BRINP1: variants seen among roughly 807,000 people sequenced by gnomAD.
The protein encoded by BRINP1 is BMP/retinoic acid inducible neural specific 1.
In BRINP1, 17 loss-of-function variants were observed where a neutral mutation model predicts 72.9. The ratio of observed to expected loss-of-function variants is 0.23; its 90% CI spans 0.16 to 0.35. BRINP1 has a LOEUF of 0.35. Among genes scored for constraint, BRINP1 ranks in the 10% least tolerant of loss-of-function variants. The pLI is 1.00. For missense variants in BRINP1, 850 were observed against 1,001.6 expected, an observed-to-expected ratio of 0.85 and a Z score of 2.04; for synonymous variants, 418 against 378.5, an observed-to-expected ratio of 1.10 and a Z score of -1.21.
intron 4 of BRINP1, 105 bp downstream of exon 4, chr9:119,241,942 G>T: frequency 1.6e-6 from 2 of 1,247,170 alleles, no homozygotes; most frequent in Non-Finnish European, 2.3e-6. Context: ...CGAGCTACAT[G>T]GTTATGAACC....
chr9:119,319,920 G>A (rs1328830022), intron 1 of BRINP1, among the ~76,000 whole-genome samples: 1 of 152,122 alleles, frequency 6.6e-6, no homozygotes, highest in African/African-American at 2.4e-5. Flanking sequence ...TATAATGGGG[G>A]AGTCACACCC....
At chr9:119,170,982 C>T (rs1218829032) in intron 7 of BRINP1, among the ~76,000 whole-genome samples, 12 of 142,548 alleles carry the variant, frequency 8.4e-5, no homozygotes, top group African/African-American at 2.3e-4. Flanking sequence ...CTGAAGGAAG[C>T]GCTAAACATG....
At chr9:119,182,320 T>G (rs1829566647) in intron 7 of BRINP1, among the ~76,000 whole-genome samples, 1 of 152,170 alleles carries the variant, frequency 6.6e-6, no homozygotes, top group Admixed American at 6.5e-5. Flanking sequence ...TTAACAGGAC[T>G]ATACAAAAAT....
chr9:119,189,404 A>G (rs548536954), intron 7 of BRINP1, among the ~76,000 whole-genome samples: 16 of 152,258 alleles, frequency 1.1e-4, no homozygotes, highest in Non-Finnish European at 2.2e-4. Context: ...AAAAGACTCA[A>G]CTATAGGCTA....
At chr9:119,172,938 A>C (rs1291048642) in intron 7 of BRINP1, among the ~76,000 whole-genome samples, 4 of 150,944 alleles carry the variant, frequency 2.6e-5, no homozygotes, top group Non-Finnish European at 5.9e-5. Context: ...ACCACCCTTC[A>C]TGCTAAAAAC....
chr9:119,213,697 A>T, intron 6 of BRINP1: 1 of 616,410 alleles, frequency 1.6e-6, no homozygotes, highest in Non-Finnish European at 2.9e-6. Context: ...AATACATCAT[A>T]TGACCACAAA....
At chr9:119,348,078 C>T (rs985516976) in intron 1 of BRINP1, among the ~76,000 whole-genome samples, 1 of 152,168 alleles carries the variant, frequency 6.6e-6, no homozygotes, top group Non-Finnish European at 1.5e-5. Flanking sequence ...TAGCATCATA[C>T]AGAATACATA....
At chr9:119,169,804 C>T (rs1213596752) in intron 7 of BRINP1, among the ~76,000 whole-genome samples, 11 of 152,220 alleles carry the variant, frequency 7.2e-5, no homozygotes, top group Admixed American at 2.0e-4. Context: ...AGACTGCCTC[C>T]TCAAGTGGGT....
At chr9:119,306,261 AG>A (rs1415983543) in intron 2 of BRINP1, among the ~76,000 whole-genome samples, 1 of 152,220 alleles carries the variant, frequency 6.6e-6, no homozygotes, top group African/African-American at 2.4e-5. Context: ...GTAGCAATAA[AG>A]CTATCATTTT....
chr9:119,277,148 A>G (rs1296702351), intron 2 of BRINP1, among the ~76,000 whole-genome samples: 13 of 152,180 alleles, frequency 8.5e-5, no homozygotes, highest in Non-Finnish European at 1.5e-4. Context: ...TCAGTAGTTC[A>G]TTCATTTTAT....
chr9:119,274,437 G>T lies in BRINP1; in HGVS notation c.219-25287C>A, dbSNP rs202071989. Among the ~76,000 whole-genome samples, 4 of 152,306 alleles carry T rather than the reference G, an allele frequency of 2.6e-5. No homozygotes were observed. The East Asian group carries it at 7.7e-4, about 29-fold the overall frequency. ...CTAGGGTGACTAACAAACGGATTTGGTTGAGATTACAGAGAACCTTTGAAA... is the reference window on the plus strand; with the variant it reads ...CTAGGGTGACTAACAAACGGATTTGTTTGAGATTACAGAGAACCTTTGAAA... On this transcript the variant is annotated intron_variant, in intron 2 of 7. Transcript: ENST00000265922.
At chr9:119,314,759 T>A (rs1403574223) in intron 1 of BRINP1, among the ~76,000 whole-genome samples, 1 of 152,198 alleles carries the variant, frequency 6.6e-6, no homozygotes, top group Non-Finnish European at 1.5e-5. Context: ...TATTTAACTT[T>A]CCTGACATTC....
chr9:119,313,396 C>A lies in BRINP1; in HGVS notation c.-41G>T. On this transcript the variant is annotated 5_prime_UTR_variant, in exon 2 of 8. Transcript: ENST00000265922. ...TTTTTCCTCTCATTCTTGCTCCATT[C>A]TGTGGAGTCCTATAGAAGAAAGAAT... The A allele has an allele frequency of 6.2e-7, 1 of 1,604,382 alleles. No individual in the cohort carries two copies. Among genetic ancestry groups the A allele is most frequent in the Non-Finnish European group, 8.5e-7 (1 of 1,176,372 alleles).
chr9:119,298,995 T>C (rs1400203763), intron 2 of BRINP1, among the ~76,000 whole-genome samples: 1 of 152,212 alleles, frequency 6.6e-6, no homozygotes, highest in African/African-American at 2.4e-5. Context: ...GATGTTTTGA[T>C]GTATGTATAC....
At chr9:119,189,790 C>T (rs1447169650) in intron 7 of BRINP1, among the ~76,000 whole-genome samples, 1 of 151,946 alleles carries the variant, frequency 6.6e-6, no homozygotes, top group East Asian at 1.9e-4. Context: ...CCAAAATATA[C>T]TGAACATGAA....
chr9:119,175,382 G>T (rs1002483901), intron 7 of BRINP1, among the ~76,000 whole-genome samples: 4 of 151,986 alleles, frequency 2.6e-5, no homozygotes, highest in African/African-American at 9.7e-5. Flanking sequence ...GGGTTGGGGG[G>T]CTAGGGGAGA....
rs146617856 is a variant in BRINP1 at position 119,200,620 on chromosome 9, C to T, written c.1145+8099G>A. Among the ~76,000 whole-genome samples, 506 of 132,540 alleles carry T rather than the reference C, an allele frequency of 3.8e-3. 4 individuals are homozygous for T. Among genetic ancestry groups the T allele is most frequent in the African/African-American group, 0.014 (479 of 33,166 alleles). The allele number at this position is 132,540 out of a possible 152,430, so 87.0% of individuals were successfully genotyped here. ...GCCTGGGTGACAGGGCAGGACTCTG[C>T]CTCAAGAAAAAAAAAGAAAAAAAAA... On this transcript the variant is annotated intron_variant, in intron 7 of 7. Transcript: ENST00000265922.
At chr9:119,204,010 T>G (rs1260729931) in intron 7 of BRINP1, among the ~76,000 whole-genome samples, 1 of 152,186 alleles carries the variant, frequency 6.6e-6, no homozygotes, top group Non-Finnish European at 1.5e-5. Flanking sequence ...TGTAAAAGTC[T>G]CACAGCTTTC....
chr9:119,238,514 C>T (rs1830213646), intron 5 of BRINP1, 141 bp downstream of exon 5: 1 of 555,798 alleles, frequency 1.8e-6, no homozygotes, highest in South Asian at 2.8e-5. Context: ...GTCTAATTTC[C>T]ATATTTGCAG....
Sources: gnomAD v4.1 joint callset for allele counts (sites outside exome capture counted in the v4.1 genomes callset) on GRCh38, gnomAD v4.1.1 for gene constraint, MANE v1.5 for transcripts, NCBI Gene and HGNC (gene_info 2026-07-23, HGNC 2026-07-21) for gene names.